MYO16: variants seen among roughly 807,000 people sequenced by gnomAD.
MYO16 encodes the protein unconventional myosin-XVI.
A neutral mutation model predicts 205.3 loss-of-function variants in MYO16; 94 were observed. The observed-to-expected ratio is 0.46, with a 90% CI of 0.39 to 0.54. MYO16 has a LOEUF of 0.54. MYO16 is among the 20% of genes least tolerant of loss of function. MYO16 has a pLI of 0.00. For missense variants in MYO16, 2,315 were observed against 2,387.5 expected (o/e 0.97, Z 0.63); for synonymous variants, 988 against 954.0 (o/e 1.04, Z -0.66).
intron 27 of MYO16, among the ~76,000 whole-genome samples, chr13:109,074,825 G>C (rs1378288261): frequency 6.6e-6 from 1 of 152,190 alleles, no homozygotes; most frequent in African/African-American, 2.4e-5. Flanking sequence ...ACCACCCCAT[G>C]ATCCAAACAC....
At chr13:108,741,990 G>A (rs966642516) in intron 4 of MYO16, among the ~76,000 whole-genome samples, 50 of 152,034 alleles carry the variant, frequency 3.3e-4, no homozygotes, top group African/African-American at 1.2e-3. Flanking sequence ...AATCCTTATT[G>A]TTTCCTTGTC....
intron 11 of MYO16, among the ~76,000 whole-genome samples, chr13:108,865,321 T>C (rs993124229): frequency 1.3e-5 from 2 of 152,192 alleles, no homozygotes; most frequent in Non-Finnish European, 2.9e-5. Flanking sequence ...TTTCTTTATA[T>C]ATGTGATGCT....
chr13:109,142,587 C>A (rs938865978), intron 32 of MYO16, among the ~76,000 whole-genome samples: 2 of 152,174 alleles, frequency 1.3e-5, no homozygotes, highest in Admixed American at 6.5e-5. Flanking sequence ...TGTCCGCAAC[C>A]AGTCAGACTT....
intron 1 of MYO16, among the ~76,000 whole-genome samples, chr13:108,624,466 T>A (rs1036438718): frequency 2.0e-5 from 3 of 152,124 alleles, no homozygotes; most frequent in Non-Finnish European, 4.4e-5. Context: ...CTAGGTAGAG[T>A]CATACAGACA....
At chr13:108,864,773 TC>T (rs1237040007) in intron 11 of MYO16, among the ~76,000 whole-genome samples, 2 of 151,990 alleles carry the variant, frequency 1.3e-5, no homozygotes, top group Non-Finnish European at 2.9e-5. Context: ...CAAACAATCC[TC>T]CTATCCTCCT....
chr13:109,103,220 A>C (rs2139719330), intron 28 of MYO16, among the ~76,000 whole-genome samples: 1 of 152,332 alleles, frequency 6.6e-6, no homozygotes, highest in South Asian at 2.1e-4. Flanking sequence ...TCAAAAGCAA[A>C]GCATTTTTTA....
the MYO16 span, among the ~76,000 whole-genome samples, chr13:108,543,155 A>G: frequency 6.6e-6 from 1 of 152,204 alleles, no homozygotes; most frequent in Non-Finnish European, 1.5e-5. Flanking sequence ...GGGATAAGGA[A>G]TGTAATTTTT....
chr13:108,575,665 C>A, the MYO16 span, among the ~76,000 whole-genome samples: 2 of 152,134 alleles, frequency 1.3e-5, no homozygotes, highest in Admixed American at 1.3e-4. Flanking sequence ...GTGAGTTTTA[C>A]CAGTTATTGG....
At position 109,162,320 on chromosome 13, in the gene MYO16, G is replaced by A. The variant is rs1004444179; in HGVS notation, c.5165-2581G>A. Among the ~76,000 whole-genome samples the A allele has an allele frequency of 2.0e-5, 3 of 152,168 alleles. No homozygotes were observed. The highest frequency in any genetic ancestry group is 7.2e-5 in the African/African-American group (3 of 41,430). On this transcript the variant is annotated intron_variant, in intron 32 of 34. Coordinates refer to ENST00000457511, the MANE Select transcript of MYO16 (RefSeq NM_001198950.3). The surrounding 1 kb of genome is among the most constrained non-coding windows in gnomAD (Gnocchi z 4.6). ...TTGCCACCAGGTGTAAGAGGACTGT[G>A]CTCATTCAAAGCCTTGGGGAAGCCC...
the MYO16 span, among the ~76,000 whole-genome samples, chr13:108,497,109 T>A: frequency 6.6e-6 from 1 of 152,142 alleles, no homozygotes; most frequent in African/African-American, 2.4e-5. Context: ...TCACTTAGAA[T>A]CTAGAGGAAG....
At chr13:108,614,299 A>G (rs975975711) in intron 1 of MYO16, among the ~76,000 whole-genome samples, 3 of 152,120 alleles carry the variant, frequency 2.0e-5, no homozygotes, top group East Asian at 1.9e-4. Flanking sequence ...ATTTAAAACT[A>G]TGAACTATTG....
upstream of MYO16, among the ~76,000 whole-genome samples, chr13:108,594,380 G>A (rs1389868450): frequency 6.6e-6 from 1 of 151,296 alleles, no homozygotes; most frequent in Non-Finnish European, 1.5e-5. Flanking sequence ...TTAGCCTCAG[G>A]TGTCCCTGCA....
At chr13:108,888,192 G>A (rs1879992861) in intron 13 of MYO16, among the ~76,000 whole-genome samples, 180 bp from the exon 14 acceptor site, 1 of 152,194 alleles carries the variant, frequency 6.6e-6, no homozygotes, top group African/African-American at 2.4e-5. Context: ...ATTGAAGTGT[G>A]AACGGAGACC....
Position 108,831,538 on chromosome 13 carries a change from G to A in MYO16, c.1097+8260G>A, listed in dbSNP as rs577681700. ...AGTTACTTTCTTTTTTCCAGACAGA[G>A]TTTCGCTCTTGTTGCCCAGGCTGGA... On this transcript the variant is annotated intron_variant, in intron 9 of 34. Coordinates refer to ENST00000457511, the MANE Select transcript of MYO16 (RefSeq NM_001198950.3). 2.6e-4 allele frequency among the ~76,000 whole-genome samples: 39 copies of A among 152,222 alleles called. 1 individual carries two copies. Among genetic ancestry groups the A allele is most frequent in the Non-Finnish European group, 5.9e-5 (4 of 68,014 alleles).
At chr13:108,984,718 T>C (rs1314379812) in intron 20 of MYO16, among the ~76,000 whole-genome samples, 1 of 152,160 alleles carries the variant, frequency 6.6e-6, no homozygotes, top group Admixed American at 6.6e-5. Context: ...CTTGGTCATA[T>C]CCTCTGACTC....
intron 27 of MYO16, among the ~76,000 whole-genome samples, chr13:109,058,333 A>G (rs550623485): frequency 1.3e-5 from 2 of 152,228 alleles, no homozygotes; most frequent in South Asian, 2.1e-4. Flanking sequence ...AAAATCTGCA[A>G]ATTCATCAGA....
chr13:108,564,361 C>G, the MYO16 span, among the ~76,000 whole-genome samples: 4 of 151,860 alleles, frequency 2.6e-5, no homozygotes, highest in South Asian at 8.3e-4. Flanking sequence ...AGTAGAGACG[C>G]GGTTTCGCCA....
At chr13:108,608,205 A>G (rs1879032951) in intron 1 of MYO16, among the ~76,000 whole-genome samples, 3 of 152,152 alleles carry the variant, frequency 2.0e-5, no homozygotes, top group African/African-American at 7.2e-5. Context: ...GGCGGCATCT[A>G]AATGTGACCT....
intron 2 of MYO16, among the ~76,000 whole-genome samples, chr13:108,670,843 T>G (rs1162806032): frequency 6.6e-6 from 1 of 152,208 alleles, no homozygotes; most frequent in Non-Finnish European, 1.5e-5. Flanking sequence ...TTTGGTGGAA[T>G]ATAATATAAT....
Sources: allele counts gnomAD v4.1 joint callset (sites outside exome capture counted in the v4.1 genomes callset), GRCh38; gene constraint gnomAD v4.1.1; non-coding constraint Gnocchi (gnomAD v3.1); transcripts MANE v1.5; gene names NCBI Gene and HGNC (gene_info 2026-07-23, HGNC 2026-07-21).